The following IGSF10 variants were observed in gnomAD, a reference collection of about 807,000 sequenced individuals.
The protein encoded by IGSF10 is calvaria mechanical force protein 608.
Under a neutral mutation model 128.2 loss-of-function variants are expected in IGSF10, and 126 were observed. The ratio of observed to expected loss-of-function variants is 0.98; its 90% CI spans 0.85 to 1.14. The LOEUF is 1.14. IGSF10 is among the 50% of genes most tolerant of loss of function. The probability of loss-of-function intolerance (pLI) is 0.00; values close to 1 mark genes in which losing one functional copy is unlikely to be tolerated. For missense variants in IGSF10, 3,295 were observed against 3,149.8 expected (o/e 1.05, Z -1.10); for synonymous variants, 1,185 against 1,146.2 (o/e 1.03, Z -0.68).
the IGSF10 span, among the ~76,000 whole-genome samples, chr3:151,552,018 G>A: frequency 6.6e-5 from 10 of 152,146 alleles, no homozygotes; most frequent in Admixed American, 3.3e-4. Flanking sequence ...ATGTTGAATT[G>A]TAATCCCCAG....
At chr3:151,513,097 C>T in the IGSF10 span, among the ~76,000 whole-genome samples, 17 of 152,226 alleles carry the variant, frequency 1.1e-4, no homozygotes, top group Middle Eastern at 3.4e-3. Context: ...AGAGGGAATC[C>T]TCCCTAACTC....
the IGSF10 span, among the ~76,000 whole-genome samples, chr3:151,618,160 T>C: frequency 2.0e-5 from 3 of 151,968 alleles, no homozygotes; most frequent in Non-Finnish European, 4.4e-5. Context: ...ACAAGAGAGA[T>C]GATCTCTCTC....
chr3:151,447,540 A>G lies in IGSF10; in HGVS notation c.2441T>C (p.Leu814Ser). ...EEFMVPATKA[L>S]NLPARTVTAD... ...AGTCACTGTCCTTGCTGGAAGGTTC[A>G]AAGCTTTAGTGGCCGGGACCATAAA... Residue 814 changes from leucine (L) to serine (S), a missense_variant, in exon 6 of 8, where the codon TTG becomes TCG. By Grantham distance (145) the Leu-to-Ser change is moderately radical. Coordinates refer to ENST00000282466, the MANE Select transcript of IGSF10 (RefSeq NM_178822.5). The G allele has an allele frequency of 6.2e-7, 1 of 1,614,180 alleles. No homozygotes were observed. Among genetic ancestry groups the G allele is most frequent in the East Asian group, 2.2e-5 (1 of 44,878 alleles).
At chr3:151,526,348 A>G in the IGSF10 span, among the ~76,000 whole-genome samples, 3 of 151,630 alleles carry the variant, frequency 2.0e-5, no homozygotes, top group Admixed American at 6.6e-5. Flanking sequence ...CAGTTGTATA[A>G]CTTTGTCCAT....
chr3:151,505,614 T>C, the IGSF10 span, among the ~76,000 whole-genome samples: 1 of 152,180 alleles, frequency 6.6e-6, no homozygotes, highest in Non-Finnish European at 1.5e-5. Flanking sequence ...TGCAAAGTCT[T>C]ATGGGAATGG....
the IGSF10 span, among the ~76,000 whole-genome samples, chr3:151,468,593 T>C: frequency 6.6e-6 from 1 of 152,280 alleles, no homozygotes; most frequent in South Asian, 2.1e-4. Context: ...TAAATGAACA[T>C]GGAGAAACAG....
intron 2 of IGSF10, among the ~76,000 whole-genome samples, chr3:151,459,794 C>A (rs1368416466): frequency 6.6e-6 from 1 of 152,190 alleles, no homozygotes; most frequent in South Asian, 2.1e-4. Context: ...AAATGACCTT[C>A]ATAATTTGTA....
At chr3:151,593,512 T>C in the IGSF10 span, among the ~76,000 whole-genome samples, 5 of 152,050 alleles carry the variant, frequency 3.3e-5, no homozygotes, top group African/African-American at 9.6e-5. Context: ...TTGATTACCA[T>C]GTTGTTTAAG....
chr3:151,526,393 G>A, the IGSF10 span, among the ~76,000 whole-genome samples: 1 of 135,666 alleles, frequency 7.4e-6, no homozygotes, highest in Non-Finnish European at 1.7e-5. Flanking sequence ...CAGCGTTAAT[G>A]TCATAATCTC....
At chr3:151,585,102 A>G in the IGSF10 span, among the ~76,000 whole-genome samples, 1 of 152,212 alleles carries the variant, frequency 6.6e-6, no homozygotes, top group African/African-American at 2.4e-5. Context: ...GATAGCCGCT[A>G]GCCACATGTG....
At chr3:151,575,488 A>G in the IGSF10 span, among the ~76,000 whole-genome samples, 111,415 of 152,130 alleles carry the variant, frequency 0.73, 40,932 homozygotes, top group African/African-American at 0.79. Context: ...GGACTGCTGC[A>G]CTAGCAGTGA....
the IGSF10 span, among the ~76,000 whole-genome samples, chr3:151,500,586 C>G: frequency 6.6e-6 from 1 of 152,086 alleles, no homozygotes; most frequent in South Asian, 2.1e-4. Flanking sequence ...TTTTCTTAGA[C>G]AATTCTCCAA....
At chr3:151,573,927 G>A in the IGSF10 span, among the ~76,000 whole-genome samples, 1 of 152,108 alleles carries the variant, frequency 6.6e-6, no homozygotes, top group African/African-American at 2.4e-5. Context: ...AGGCCTAGTG[G>A]TGACAAAAAT....
the IGSF10 span, among the ~76,000 whole-genome samples, chr3:151,536,769 T>C: frequency 6.6e-6 from 1 of 152,226 alleles, no homozygotes; most frequent in East Asian, 1.9e-4. Context: ...GGCCCACTAA[T>C]TTAATATGGG....
chr3:151,575,132 G>T, the IGSF10 span, among the ~76,000 whole-genome samples: 3 of 152,162 alleles, frequency 2.0e-5, no homozygotes, highest in African/African-American at 7.2e-5. Context: ...AGGGGCACCT[G>T]CCTGTATGAG....
chr3:151,551,431 T>A, the IGSF10 span, among the ~76,000 whole-genome samples: 1 of 152,056 alleles, frequency 6.6e-6, no homozygotes, highest in Admixed American at 6.6e-5. Context: ...TTTTCATGTG[T>A]TTTGCATCAC....
intron 6 of IGSF10, among the ~76,000 whole-genome samples, chr3:151,444,415 C>T (rs1239077417): frequency 6.6e-6 from 1 of 152,176 alleles, no homozygotes; most frequent in African/African-American, 2.4e-5. Context: ...TCGAGCAATT[C>T]TTCTGTCTCA....
chr3:151,545,375 A>T, the IGSF10 span, among the ~76,000 whole-genome samples: 1 of 152,256 alleles, frequency 6.6e-6, no homozygotes, highest in African/African-American at 2.4e-5. Flanking sequence ...ATACTAAGAG[A>T]TTTTTCTCTT....
rs756474545 is a variant in IGSF10, at chr3:151,437,040, C to T, written c.7521G>A (p.Lys2507=). 6.2e-6 allele frequency: 10 copies of T among 1,614,082 alleles called. No individual in the cohort carries two copies. Among genetic ancestry groups the T allele is most frequent in the Non-Finnish European group, 8.5e-6 (10 of 1,180,036 alleles). ...GTGTATGACCAACACTATTTTGAGC[C>T]TTACAGATATAGTTTCCTCTGTCAT... ...TAYDRGNYIC[K]AQNSVGHTLI... is the part of the protein sequence containing the mutation. Residue 2507 remains lysine, a synonymous_variant, in exon 8 of 8, where the codon AAG becomes AAA. Coordinates refer to ENST00000282466, the MANE Select transcript of IGSF10 (RefSeq NM_178822.5).
Sources: allele counts gnomAD v4.1 joint callset (sites outside exome capture counted in the v4.1 genomes callset), GRCh38; gene constraint gnomAD v4.1.1; transcripts MANE v1.5; gene names NCBI Gene and HGNC (gene_info 2026-07-23, HGNC 2026-07-21).